The following NDUFA1 variants were observed in gnomAD, a reference collection of about 807,000 sequenced individuals.
NDUFA1 encodes the protein NADH:ubiquinone oxidoreductase subunit A1, also known as NADH dehydrogenase [ubiquinone] 1 alpha subcomplex subunit 1.
For synonymous variants in NDUFA1, 21 were observed against 20.0 expected (o/e 1.05, Z -0.14); for missense variants, 42 against 56.0 (o/e 0.75, Z 0.80).
In NDUFA1 at chrX:119,876,603, A is replaced by G; in HGVS notation, c.*69A>G. The G allele has an allele frequency of 3.0e-6, 3 of 994,582 alleles. No individual in the cohort carries two copies. The highest frequency in any genetic ancestry group is 4.3e-6 in the Non-Finnish European group (3 of 697,929). 82.0% of individuals were successfully genotyped at this position (994,582 alleles called of 1,213,427 possible). ...CCATCTACCCCTGCTAGAAGGTTACAGTGTATTATGTAGCATGCAATGTGT... is the reference window on the plus strand; with the variant it reads ...CCATCTACCCCTGCTAGAAGGTTACGGTGTATTATGTAGCATGCAATGTGT... On this transcript the variant is annotated 3_prime_UTR_variant, in exon 3 of 3. Coordinates refer to ENST00000371437, the MANE Select transcript of NDUFA1 (RefSeq NM_004541.4).
intron 2 of NDUFA1, among the ~76,000 whole-genome samples, 178 bp from the exon 3 acceptor site, chrX:119,876,336 G>T (rs1447784237): frequency 8.9e-6 from 1 of 112,082 alleles, no homozygotes; most frequent in Admixed American, 9.5e-5. Flanking sequence ...ATCATTACAG[G>T]TTATTCTTTA....
intron 2 of NDUFA1, among the ~76,000 whole-genome samples, chrX:119,873,706 A>T (rs2056425620): frequency 9.1e-6 from 1 of 109,981 alleles, no homozygotes; most frequent in Admixed American, 9.8e-5. Context: ...CATTTTTCCC[A>T]GTCTGCTGTT....
intron 2 of NDUFA1, among the ~76,000 whole-genome samples, chrX:119,875,283 T>G (rs1292403415): frequency 2.8e-5 from 3 of 109,012 alleles, no homozygotes; most frequent in Non-Finnish European, 5.7e-5. Context: ...ACTATGTTAT[T>G]TAATACCTAG....
Position 119,874,218 on chromosome X carries a change from C to T in NDUFA1, c.192+825C>T, listed in dbSNP as rs779623103. On this transcript the variant is annotated intron_variant, in intron 2 of 2. Coordinates refer to ENST00000371437, the MANE Select transcript of NDUFA1 (RefSeq NM_004541.4). ...ACAGCTTGAGCCCAGGGGTTTGAGG[C>T]TCCAGTGAACTAGGATCGTACCACT... Among the ~76,000 whole-genome samples, 51 of 104,389 alleles carry T rather than the reference C, an allele frequency of 4.9e-4. 1 individual carries two copies. In the Admixed American group the frequency reaches 5.0e-3, roughly 10 times the overall value. The allele number at this position is 104,389 out of a possible 115,157, so 90.6% of individuals were successfully genotyped here.
intron 2 of NDUFA1, among the ~76,000 whole-genome samples, 163 bp downstream of exon 2, chrX:119,873,556 T>TA (rs2056424895): frequency 9.0e-6 from 1 of 110,885 alleles, no homozygotes; most frequent in Admixed American, 9.7e-5. Context: ...CTTTTTTTTT[T>TA]TTAGTTTTTC....
rs199850311 is a variant in NDUFA1, at chrX:119,872,026, C to T, written c.102+13C>T. 3.1e-5 allele frequency: 37 copies of T among 1,202,419 alleles called. No individual in the cohort carries two copies. In the African/African-American group the frequency reaches 6.1e-4, roughly 20 times the overall value. On this transcript the variant is annotated intron_variant, in intron 1 of 2. Coordinates refer to ENST00000371437, the MANE Select transcript of NDUFA1 (RefSeq NM_004541.4). The stretch of plus-strand genomic sequence containing the variant: ...TAACGGGGGCAAGGTAAGCCGGCTT[C>T]GGCCCGGGGGCCGACTCCACGGGCT...
At chrX:119,875,667 A>G (rs1387391306) in intron 2 of NDUFA1, among the ~76,000 whole-genome samples, 1 of 110,895 alleles carries the variant, frequency 9.0e-6, no homozygotes, top group African/African-American at 3.3e-5. Context: ...AAGATCCAGT[A>G]GGTATTTTGA....
intron 2 of NDUFA1, among the ~76,000 whole-genome samples, chrX:119,874,092 G>A (rs1045744615): frequency 2.7e-5 from 3 of 110,629 alleles, no homozygotes; most frequent in African/African-American, 9.9e-5. Flanking sequence ...TGTGAAAGGA[G>A]GATTAACTTT....
chrX:119,873,045 C>CT lies in NDUFA1; in HGVS notation c.103-244dup, dbSNP rs373911727. 0.02 allele frequency among the ~76,000 whole-genome samples: 1,655 copies of CT among 81,937 alleles called. 18 individuals carry two copies. Among genetic ancestry groups the CT allele is most frequent in the East Asian group, 0.076 (210 of 2,755 alleles). 71.2% of individuals were successfully genotyped at this position (81,937 alleles called of 115,157 possible). ...CCCAAAAGACAACAACTAGATATTT[C>CT]TTTTTTTTTTTTTTTAAAAAAAAAG... On this transcript the variant is annotated intron_variant, in intron 1 of 2. Transcript: ENST00000371437.
intron 2 of NDUFA1, 94 bp downstream of exon 2, chrX:119,873,487 G>T: frequency 1.6e-6 from 1 of 630,804 alleles, no homozygotes; most frequent in Non-Finnish European, 2.6e-6. Flanking sequence ...TATATAACTA[G>T]CATTTTCTTA....
In NDUFA1 at chrX:119,873,402, C is replaced by T. The variant is rs1219182453; in HGVS notation, c.192+9C>T. 4 of 1,195,996 alleles carry T rather than the reference C, an allele frequency of 3.3e-6. No individual in the cohort carries two copies. The highest frequency in any genetic ancestry group is 4.5e-6 in the Non-Finnish European group (4 of 883,024). On this transcript the variant is annotated intron_variant, in intron 2 of 2. Coordinates refer to ENST00000371437, the MANE Select transcript of NDUFA1 (RefSeq NM_004541.4). ...GTTACTATGTGTCAAAGGTAAGATGCCACTCTGATGCCAGCCTTTTGCCAG... is the reference window on the plus strand; with the variant it reads ...GTTACTATGTGTCAAAGGTAAGATGTCACTCTGATGCCAGCCTTTTGCCAG...
intron 2 of NDUFA1, among the ~76,000 whole-genome samples, chrX:119,875,370 G>A (rs1328238199): frequency 3.2e-5 from 3 of 94,679 alleles, no homozygotes; most frequent in Admixed American, 2.4e-4. Flanking sequence ...TGTCGCCTAG[G>A]CCGGAGTGCA....
chrX:119,875,452 G>T (rs1371912415), intron 2 of NDUFA1, among the ~76,000 whole-genome samples: 2 of 106,921 alleles, frequency 1.9e-5, no homozygotes, highest in Admixed American at 2.0e-4. Context: ...AGCCTCACGA[G>T]TAGCTGGGAT....
chrX:119,872,320 T>C (rs943694381), intron 1 of NDUFA1, among the ~76,000 whole-genome samples: 2 of 110,481 alleles, frequency 1.8e-5, no homozygotes, highest in Non-Finnish European at 3.8e-5. Flanking sequence ...GCCTTCTGGG[T>C]TCAAGAGATT....
intron 2 of NDUFA1, 93 bp downstream of exon 2, chrX:119,873,486 A>G: frequency 3.1e-6 from 2 of 643,002 alleles, no homozygotes; most frequent in Non-Finnish European, 5.1e-6. Context: ...ATATATAACT[A>G]GCATTTTCTT....
rs749206785 is a variant in NDUFA1 at position 119,871,875 on chromosome X, C to T, written c.-37C>T. 45 of 1,190,544 alleles carry T rather than the reference C, an allele frequency of 3.8e-5. No homozygotes were observed. The highest frequency in any genetic ancestry group is 1.5e-4 in the Admixed American group (7 of 46,004). Reference sequence around the variant, plus strand: ...CGAAGCCAGGTCACCTTTCAAGGACCCAGAAGTAGGGTTTTGGCCTAGGTA... The same window carrying T: ...CGAAGCCAGGTCACCTTTCAAGGACTCAGAAGTAGGGTTTTGGCCTAGGTA... On this transcript the variant is annotated 5_prime_UTR_variant, in exon 1 of 3. Coordinates refer to ENST00000371437, the MANE Select transcript of NDUFA1 (RefSeq NM_004541.4).
At chrX:119,872,153 GCGAAACGAAGCCCGATAGAAA>G (rs1284360934) in intron 1 of NDUFA1, 140 bp downstream of exon 1, 1 of 569,287 alleles carries the variant, frequency 1.8e-6, no homozygotes, top group Non-Finnish European at 2.9e-6. Flanking sequence ...GCCGAGGCTT[GCGAAACGAAGCCCGATAGAAA>G]CTACATCCTG....
chrX:119,871,846 G>A lies in NDUFA1; in HGVS notation c.-66G>A. ...GCGGCCGCGGGGCTTGCTGGGAAGA[G>A]AGGCGAAGCCAGGTCACCTTTCAAG... is the stretch of plus-strand genomic sequence containing the variant. On this transcript the variant is annotated 5_prime_UTR_variant, in exon 1 of 3. Transcript: ENST00000371437. 6 of 1,145,812 alleles carry A rather than the reference G, an allele frequency of 5.2e-6. No homozygotes were observed. Among genetic ancestry groups the A allele is most frequent in the South Asian group, 3.6e-5 (2 of 55,619 alleles). The allele number at this position is 1,145,812 out of a possible 1,213,427, so 94.4% of individuals were successfully genotyped here.
chrX:119,876,612 T>C lies in NDUFA1; in HGVS notation c.*78T>C, dbSNP rs2056438273. On this transcript the variant is annotated 3_prime_UTR_variant, in exon 3 of 3. Coordinates refer to ENST00000371437, the MANE Select transcript of NDUFA1 (RefSeq NM_004541.4). ...CCTGCTAGAAGGTTACAGTGTATTA[T>C]GTAGCATGCAATGTGTTATGTAGTG... is the stretch of plus-strand genomic sequence containing the variant. 1 of 936,523 alleles carries C rather than the reference T, an allele frequency of 1.1e-6. No homozygotes were observed. The highest frequency in any genetic ancestry group is 1.9e-5 in the African/African-American group (1 of 52,368). The allele number at this position is 936,523 out of a possible 1,213,427, so 77.2% of individuals were successfully genotyped here.
Sources: gnomAD v4.1 joint callset for allele counts (sites outside exome capture counted in the v4.1 genomes callset) on GRCh38, gnomAD v4.1.1 for gene constraint, MANE v1.5 for transcripts, NCBI Gene and HGNC (gene_info 2026-07-23, HGNC 2026-07-21) for gene names.